The following MCC variants were observed in gnomAD, a reference collection of about 807,000 sequenced individuals.
MCC encodes MCC regulator of Wnt signaling pathway.
In MCC, 90 loss-of-function variants were observed where a neutral mutation model predicts 116.2. The observed-to-expected ratio is 0.77, with a 90% CI of 0.65 to 0.92. MCC has a LOEUF of 0.92. MCC is among the 40% of genes least tolerant of loss of function. The pLI, the probability that MCC is intolerant of heterozygous loss-of-function variation, is 0.00. For missense variants in MCC, 1,516 were observed against 1,312.2 expected, an observed-to-expected ratio of 1.16 and a Z score of -2.40; for synonymous variants, 578 against 510.5, an observed-to-expected ratio of 1.13 and a Z score of -1.78.
At chr5:113,327,559 A>ATATATATATATATATATATATATAT (rs1186361820) in intron 3 of MCC, among the ~76,000 whole-genome samples, 2 of 81,028 alleles carry the variant, frequency 2.5e-5, no homozygotes, top group Non-Finnish European at 5.3e-5. Context: ...AAAAAAAAAA[A>ATATATATATATATATATATATATAT]AAATATATAT....
chr5:113,033,100 T>C (rs1387677858), intron 17 of MCC, among the ~76,000 whole-genome samples: 8 of 152,274 alleles, frequency 5.3e-5, no homozygotes, highest in Admixed American at 5.2e-4. Flanking sequence ...CCTGAATTCT[T>C]TCTTGCACAA....
chr5:113,030,704 G>A (rs1016076967), intron 17 of MCC, among the ~76,000 whole-genome samples: 1 of 152,172 alleles, frequency 6.6e-6, no homozygotes, highest in Non-Finnish European at 1.5e-5. Flanking sequence ...AGATGGCCAT[G>A]CACTGGCATG....
chr5:113,198,587 C>T (rs116693359), intron 3 of MCC, among the ~76,000 whole-genome samples: 7 of 151,172 alleles, frequency 4.6e-5, no homozygotes, highest in African/African-American at 1.7e-4. Flanking sequence ...ACCTGTGGTC[C>T]CAGCTACTCG....
intron 11 of MCC, 135 bp downstream of exon 11, chr5:113,082,725 T>G (rs1581017002): frequency 9.3e-7 from 1 of 1,071,366 alleles, no homozygotes; most frequent in East Asian, 2.4e-5. Flanking sequence ...TGGTAGGAAC[T>G]TCCATCCCCA....
At chr5:113,084,431 C>T (rs539760512) in intron 9 of MCC, among the ~76,000 whole-genome samples, 1 of 152,334 alleles carries the variant, frequency 6.6e-6, no homozygotes, top group South Asian at 2.1e-4. Flanking sequence ...CATTGTAGGA[C>T]ATTTGTCAGC....
chr5:113,230,930 C>A (rs1406117652), intron 3 of MCC, among the ~76,000 whole-genome samples: 2 of 152,110 alleles, frequency 1.3e-5, no homozygotes, highest in African/African-American at 4.8e-5. Flanking sequence ...GCTCCCCATA[C>A]CTTAAAGGAA....
intron 1 of MCC, among the ~76,000 whole-genome samples, chr5:113,424,283 A>C (rs985013602): frequency 6.6e-6 from 1 of 152,168 alleles, no homozygotes; most frequent in Non-Finnish European, 1.5e-5. Context: ...GAGACAAAAA[A>C]AATTAAAAAT....
In MCC at chr5:113,385,169, A is replaced by T. The variant is rs1221571058; in HGVS notation, c.214T>A (p.Ser72Thr). 1 of 1,613,778 alleles carries T rather than the reference A, an allele frequency of 6.2e-7. No individual in the cohort carries two copies. The highest frequency in any genetic ancestry group is 1.1e-5 in the South Asian group (1 of 91,078). Residue 72 changes from serine to threonine, a missense_variant, in exon 2 of 19, where the codon TCT becomes ACT. Transcript: ENST00000408903. ...MVCRQLNMEE[S>T]VAEIMNQLGA... ...AACTGGTTCATGATCTCAGCCACAG[A>T]CTCTTCCATATTCAGCTGGCGACAG...
At chr5:113,355,616 G>C (rs770433782) in intron 2 of MCC, among the ~76,000 whole-genome samples, 9 of 152,114 alleles carry the variant, frequency 5.9e-5, no homozygotes, top group Admixed American at 1.3e-4. Context: ...GTAGGGTTCT[G>C]GTGGGGTTCT....
At chr5:113,166,814 A>G (rs1445675809) in intron 3 of MCC, among the ~76,000 whole-genome samples, 2 of 152,030 alleles carry the variant, frequency 1.3e-5, no homozygotes, top group East Asian at 3.9e-4. Context: ...AGAGGTAAGG[A>G]GAACAGAGGC....
intron 3 of MCC, among the ~76,000 whole-genome samples, chr5:113,192,450 T>C (rs1034252431): frequency 2.6e-5 from 4 of 152,328 alleles, no homozygotes; most frequent in African/African-American, 4.8e-5. Context: ...TAAAAAAGCA[T>C]ATGCAGAAAA....
intron 1 of MCC, among the ~76,000 whole-genome samples, chr5:113,429,935 G>A (rs1770582197): frequency 6.6e-6 from 1 of 152,166 alleles, no homozygotes; most frequent in Admixed American, 6.5e-5. Flanking sequence ...CCTAATCAAG[G>A]TCACGTCTTT....
At chr5:113,205,362 A>G (rs1762872616) in intron 3 of MCC, among the ~76,000 whole-genome samples, 1 of 152,214 alleles carries the variant, frequency 6.6e-6, no homozygotes, top group South Asian at 2.1e-4. Flanking sequence ...CTTGCTTACT[A>G]AACAGGACTG....
intron 6 of MCC, among the ~76,000 whole-genome samples, chr5:113,105,473 C>T (rs1756675326): frequency 6.6e-6 from 1 of 152,220 alleles, no homozygotes; most frequent in African/African-American, 2.4e-5. Context: ...AAGGCTTTCA[C>T]TCCAACCAAT....
chr5:113,307,033 T>C (rs1767001790), intron 3 of MCC, among the ~76,000 whole-genome samples: 1 of 152,226 alleles, frequency 6.6e-6, no homozygotes, highest in Admixed American at 6.5e-5. Context: ...CTTATGCTAA[T>C]ACTACACATC....
chr5:113,407,783 C>T (rs255859), intron 1 of MCC, among the ~76,000 whole-genome samples: 13,993 of 152,106 alleles, frequency 0.092, 920 homozygotes, highest in Non-Finnish European at 0.12. Flanking sequence ...TGTCCTGATG[C>T]TCTCCCTTCC....
intron 1 of MCC, among the ~76,000 whole-genome samples, chr5:113,447,890 T>G (rs1015878142): frequency 6.6e-6 from 1 of 151,576 alleles, no homozygotes; most frequent in African/African-American, 2.4e-5. Context: ...AGCTGCCTCA[T>G]TCTTGGGCAG....
intron 1 of MCC, among the ~76,000 whole-genome samples, chr5:113,467,762 A>G (rs1006889450): frequency 6.6e-6 from 1 of 152,180 alleles, no homozygotes; most frequent in Non-Finnish European, 1.5e-5. Flanking sequence ...TGAATCTATA[A>G]ATTACCTTGG....
intron 3 of MCC, among the ~76,000 whole-genome samples, chr5:113,302,590 C>T (rs1486931221): frequency 6.6e-6 from 1 of 151,920 alleles, no homozygotes; most frequent in East Asian, 1.9e-4. Flanking sequence ...GAAAAAGAAT[C>T]CTGTATTTTA....
Sources: gnomAD v4.1 joint callset for allele counts (sites outside exome capture counted in the v4.1 genomes callset) on GRCh38, gnomAD v4.1.1 for gene constraint, MANE v1.5 for transcripts, NCBI Gene and HGNC (gene_info 2026-07-23, HGNC 2026-07-21) for gene names.